Variants in XKR4 observed in about 807,000 individuals in gnomAD.
XKR4 encodes the protein XK-related protein 4.
XKR4 carries 12 observed loss-of-function variants against 53.9 expected under a neutral mutation model. That is an observed-to-expected ratio of 0.22 (90% confidence interval 0.14 to 0.36). The LOEUF (loss-of-function observed/expected upper bound fraction) is 0.36, where lower values mean the gene tolerates loss of function less well. Ranked by LOEUF, XKR4 falls within the 10% of genes least tolerant of loss-of-function variation. XKR4 has a pLI of 1.00. For synonymous variants in XKR4, 354 were observed against 362.4 expected (o/e 0.98, Z 0.26); for missense variants, 799 against 859.5 (o/e 0.93, Z 0.88).
intron 1 of XKR4, among the ~76,000 whole-genome samples, chr8:55,342,188 C>T (rs1803559468): frequency 6.6e-6 from 1 of 152,066 alleles, no homozygotes; most frequent in South Asian, 2.1e-4. Context: ...GCATTGCCTC[C>T]TCTTTCTCTC....
intron 1 of XKR4, among the ~76,000 whole-genome samples, chr8:55,335,168 A>C (rs558108178): frequency 6.6e-6 from 1 of 152,352 alleles, no homozygotes; most frequent in East Asian, 1.9e-4. Context: ...AAAACCATGA[A>C]GCAAGCCCAG....
intron 2 of XKR4, among the ~76,000 whole-genome samples, chr8:55,406,464 C>T (rs1445074165): frequency 1.3e-5 from 2 of 152,144 alleles, no homozygotes; most frequent in African/African-American, 2.4e-5. Flanking sequence ...AAGTGCCCTG[C>T]CCACAATCCC....
chr8:55,273,142 CTGTGTGTG>C (rs5891567), intron 1 of XKR4, among the ~76,000 whole-genome samples: 5,517 of 147,416 alleles, frequency 0.037, 131 homozygotes, highest in Middle Eastern at 0.1. Context: ...GAAAAGAGGA[CTGTGTGTG>C]TGTGTGTGTG....
intron 1 of XKR4, among the ~76,000 whole-genome samples, chr8:55,193,145 AT>A (rs1817465738): frequency 7.0e-6 from 1 of 143,354 alleles, no homozygotes; most frequent in East Asian, 2.1e-4. Flanking sequence ...TGCACTTCCC[AT>A]TTTCCCCCCA....
chr8:55,385,533 A>G (rs1028070235), intron 2 of XKR4, among the ~76,000 whole-genome samples: 1 of 152,218 alleles, frequency 6.6e-6, no homozygotes, highest in Non-Finnish European at 1.5e-5. Flanking sequence ...TCTACAGAGT[A>G]CCTAGCCCAT....
chr8:55,169,214 A>G (rs1817115571), intron 1 of XKR4, among the ~76,000 whole-genome samples: 1 of 152,238 alleles, frequency 6.6e-6, no homozygotes, highest in African/African-American at 2.4e-5. Context: ...TTGAAACATT[A>G]GAAAACTTGT....
At chr8:55,185,703 T>C (rs926664192) in intron 1 of XKR4, among the ~76,000 whole-genome samples, 7 of 152,224 alleles carry the variant, frequency 4.6e-5, no homozygotes, top group African/African-American at 1.7e-4. Flanking sequence ...AAATACTTAG[T>C]TCTGGGAAGA....
chr8:55,500,662 TG>T (rs1563367602), intron 2 of XKR4, among the ~76,000 whole-genome samples: 2 of 152,156 alleles, frequency 1.3e-5, no homozygotes, highest in Non-Finnish European at 2.9e-5. Flanking sequence ...TGATCACTTA[TG>T]GGGGCAAAGA....
intron 2 of XKR4, among the ~76,000 whole-genome samples, chr8:55,492,450 G>T (rs1806285087): frequency 1.3e-5 from 2 of 152,000 alleles, no homozygotes; most frequent in Non-Finnish European, 2.9e-5. Context: ...AATTTTACTG[G>T]GTTTAAAAGA....
chr8:55,327,217 T>G (rs1803307218), intron 1 of XKR4, among the ~76,000 whole-genome samples: 1 of 152,184 alleles, frequency 6.6e-6, no homozygotes, highest in South Asian at 2.1e-4. Context: ...TCATTAACAT[T>G]ACCTCACAAT....
chr8:55,198,112 G>A (rs1401599368), intron 1 of XKR4, among the ~76,000 whole-genome samples: 2 of 152,156 alleles, frequency 1.3e-5, no homozygotes, highest in Non-Finnish European at 2.9e-5. Context: ...TCTCTATCAC[G>A]GCTGCCATTG....
chr8:55,364,887 A>G (rs1229373849), intron 2 of XKR4, among the ~76,000 whole-genome samples: 1 of 152,190 alleles, frequency 6.6e-6, no homozygotes, highest in East Asian at 1.9e-4. Context: ...CGGCCACCCA[A>G]AGTGCTGGGA....
At chr8:55,365,763 G>C (rs962840335) in intron 2 of XKR4, among the ~76,000 whole-genome samples, 81 of 152,004 alleles carry the variant, frequency 5.3e-4, no homozygotes, top group African/African-American at 1.9e-3. Context: ...CACAGGTGCT[G>C]GGAGGGTGAG....
chr8:55,500,437 A>T (rs1046664289), intron 2 of XKR4, among the ~76,000 whole-genome samples: 1 of 152,178 alleles, frequency 6.6e-6, no homozygotes, highest in Non-Finnish European at 1.5e-5. Flanking sequence ...CATTGACAAG[A>T]TCCACCCATT....
At chr8:55,297,743 G>A (rs1819121186) in intron 1 of XKR4, among the ~76,000 whole-genome samples, 1 of 152,156 alleles carries the variant, frequency 6.6e-6, no homozygotes, top group Non-Finnish European at 1.5e-5. Flanking sequence ...GCCCAAAGGG[G>A]GCTCTCTCTA....
intron 1 of XKR4, among the ~76,000 whole-genome samples, chr8:55,269,149 A>G (rs1454976934): frequency 6.6e-6 from 1 of 152,222 alleles, no homozygotes; most frequent in Non-Finnish European, 1.5e-5. Flanking sequence ...AATTATCTCT[A>G]AATAAAGCCC....
intron 1 of XKR4, among the ~76,000 whole-genome samples, chr8:55,114,655 T>C (rs1018099130): frequency 6.6e-6 from 1 of 152,088 alleles, no homozygotes; most frequent in African/African-American, 2.4e-5. Context: ...GAAGAGAAAT[T>C]TGTTTGATTT....
intron 1 of XKR4, among the ~76,000 whole-genome samples, chr8:55,303,585 G>C (rs559045852): frequency 3.3e-5 from 5 of 152,056 alleles, no homozygotes; most frequent in African/African-American, 7.2e-5. Context: ...CCAGCTCCTC[G>C]TTGTACCTCT....
intron 1 of XKR4, among the ~76,000 whole-genome samples, chr8:55,321,635 G>A (rs2129379485): frequency 6.6e-6 from 1 of 152,282 alleles, no homozygotes; most frequent in South Asian, 2.1e-4. Flanking sequence ...TTTTAAAAAT[G>A]TATAAACTAG....
Sources: allele counts gnomAD v4.1 joint callset (sites outside exome capture counted in the v4.1 genomes callset), GRCh38; gene constraint gnomAD v4.1.1; transcripts MANE v1.5; gene names NCBI Gene and HGNC (gene_info 2026-07-23, HGNC 2026-07-21).